TTLL5: variants seen among roughly 807,000 people sequenced by gnomAD.
TTLL5 encodes the protein tubulin tyrosine ligase like 5.
Under a neutral mutation model 168.4 loss-of-function variants are expected in TTLL5, and 132 were observed. The ratio of observed to expected loss-of-function variants is 0.78; its 90% CI spans 0.68 to 0.91. The LOEUF (loss-of-function observed/expected upper bound fraction) is 0.91, where lower values mean the gene tolerates loss of function less well. Among genes scored for constraint, TTLL5 ranks in the 40% least tolerant of loss-of-function variants. The probability of loss-of-function intolerance (pLI) is 0.00; values close to 1 mark genes in which losing one functional copy is unlikely to be tolerated. For synonymous variants in TTLL5, 546 were observed against 558.6 expected, an observed-to-expected ratio of 0.98 and a Z score of 0.32; for missense variants, 1,545 against 1,581.5, an observed-to-expected ratio of 0.98 and a Z score of 0.39.
chr14:75,917,007 A>G (rs1252575336), intron 31 of TTLL5, among the ~76,000 whole-genome samples: 1 of 152,210 alleles, frequency 6.6e-6, no homozygotes, highest in Non-Finnish European at 1.5e-5. Context: ...AGAAAGTAGA[A>G]TGGTGGTCAG....
chr14:75,904,465 GTTGAA>G (rs1290526998), intron 31 of TTLL5, among the ~76,000 whole-genome samples: 1 of 152,134 alleles, frequency 6.6e-6, no homozygotes, highest in East Asian at 1.9e-4. Context: ...TAAATTAAGT[GTTGAA>G]TTGAACTTTG....
intron 27 of TTLL5, among the ~76,000 whole-genome samples, chr14:75,814,968 C>T (rs1264199031): frequency 3.3e-5 from 5 of 152,206 alleles, no homozygotes; most frequent in Non-Finnish European, 5.9e-5. Flanking sequence ...TATCACAGAT[C>T]ATTCTAGAAG....
chr14:75,914,780 T>C (rs745322529), intron 31 of TTLL5, among the ~76,000 whole-genome samples: 27 of 152,206 alleles, frequency 1.8e-4, no homozygotes, highest in Non-Finnish European at 3.4e-4. Context: ...CCTGCCACCA[T>C]GCCTGGCTAA....
chr14:75,882,123 C>T (rs1233596853), intron 29 of TTLL5, among the ~76,000 whole-genome samples: 1 of 152,132 alleles, frequency 6.6e-6, no homozygotes, highest in Non-Finnish European at 1.5e-5. Context: ...TCTAAACTAG[C>T]CCTCAAGATT....
chr14:75,693,545 C>T (rs1259607139), intron 6 of TTLL5, among the ~76,000 whole-genome samples: 1 of 152,252 alleles, frequency 6.6e-6, no homozygotes, highest in Non-Finnish European at 1.5e-5. Flanking sequence ...ACATGGCACA[C>T]TGGTCTATCT....
Position 75,690,320 on chromosome 14 carries a change from G to A in TTLL5, c.500G>A (p.Cys167Tyr). The change falls in exon 6 of 32, where the codon TGT becomes TAT. Residue 167 changes from cysteine (C) to tyrosine (Y), a missense_variant and splice_region_variant. Physicochemically the swap from Cys to Tyr is radical, Grantham distance 194. Transcript: ENST00000298832. ...FLLPAEYAEFCNSYSKDRGPW... is the reference protein window; with the variant it reads ...FLLPAEYAEFYNSYSKDRGPW... ...CTGCCAGCTGAGTACGCGGAATTTT[G>A]TAGTAAGTGCTTGACAGAGAATGCC... The A allele has an allele frequency of 1.9e-6, 3 of 1,605,440 alleles. No homozygotes were observed. The highest frequency in any genetic ancestry group is 1.7e-6 in the Non-Finnish European group (2 of 1,176,932).
chr14:75,804,661 T>C (rs1363481240), intron 27 of TTLL5, among the ~76,000 whole-genome samples: 4 of 152,242 alleles, frequency 2.6e-5, no homozygotes. Flanking sequence ...TTTTACCATA[T>C]ACATTATTCT....
At chr14:75,900,586 C>T (rs1216113849) in intron 30 of TTLL5, among the ~76,000 whole-genome samples, 1 of 152,210 alleles carries the variant, frequency 6.6e-6, no homozygotes, top group East Asian at 1.9e-4. Context: ...CTGTCAAAGA[C>T]ATTCAGCAAA....
At chr14:75,669,123 CTTA>C (rs1167948549) in intron 2 of TTLL5, among the ~76,000 whole-genome samples, 2 of 152,210 alleles carry the variant, frequency 1.3e-5, no homozygotes, top group Non-Finnish European at 2.9e-5. Flanking sequence ...AACATGTCTC[CTTA>C]AACTTATGGG....
intron 31 of TTLL5, among the ~76,000 whole-genome samples, chr14:75,944,812 C>T (rs2034717637): frequency 6.6e-6 from 1 of 152,160 alleles, no homozygotes; most frequent in Non-Finnish European, 1.5e-5. Context: ...TAGTAGCTTC[C>T]TGATAAGATC....
rs1206224040 is a variant in TTLL5, at chr14:75,716,162, A to T, written c.741-1699A>T. Among the ~76,000 whole-genome samples, 3 of 152,174 alleles carry T rather than the reference A, an allele frequency of 2.0e-5. No homozygotes were observed. In the East Asian group the frequency reaches 5.8e-4, roughly 29 times the overall value. On this transcript the variant is annotated intron_variant, in intron 9 of 31. Transcript: ENST00000298832. The stretch of plus-strand genomic sequence containing the variant: ...GACAATCTATTAGAGGAAGATTGGG[A>T]TGCATAGGCAAGGGTTACTCACCAG...
At chr14:75,853,247 C>T (rs1896967070) in intron 28 of TTLL5, among the ~76,000 whole-genome samples, 1 of 152,224 alleles carries the variant, frequency 6.6e-6, no homozygotes, top group South Asian at 2.1e-4. Context: ...TGCCAGTTTA[C>T]TGGGTCATTC....
intron 5 of TTLL5, 87 bp downstream of exon 5, chr14:75,683,743 G>A: frequency 1.0e-6 from 1 of 981,618 alleles, no homozygotes; most frequent in African/African-American, 1.6e-5. Flanking sequence ...TGTCCTTAAA[G>A]AAGAGGAAGA....
chr14:75,797,099 C>T (rs905925136), intron 27 of TTLL5, among the ~76,000 whole-genome samples: 39 of 152,160 alleles, frequency 2.6e-4, no homozygotes, highest in African/African-American at 9.4e-4. Flanking sequence ...TTCCTTTCAG[C>T]AGTGTTTTGT....
chr14:75,934,160 T>C (rs1161622131), intron 31 of TTLL5, among the ~76,000 whole-genome samples: 1 of 152,170 alleles, frequency 6.6e-6, no homozygotes, highest in Non-Finnish European at 1.5e-5. Context: ...TTTTTATAAC[T>C]TAATCTTGGA....
At chr14:75,864,182 G>A (rs1348652281) in intron 29 of TTLL5, among the ~76,000 whole-genome samples, 1 of 152,100 alleles carries the variant, frequency 6.6e-6, no homozygotes, top group Non-Finnish European at 1.5e-5. Flanking sequence ...CATAGGGTCT[G>A]ATTCTAAGAT....
chr14:75,677,429 C>G (rs985787773), intron 3 of TTLL5, among the ~76,000 whole-genome samples: 4 of 144,312 alleles, frequency 2.8e-5, no homozygotes, highest in Non-Finnish European at 6.1e-5. Flanking sequence ...AGGGTCTCAC[C>G]CTGTCACTCA....
chr14:75,886,906 C>T (rs2140039317), intron 30 of TTLL5: 1 of 1,455,662 alleles, frequency 6.9e-7, no homozygotes, highest in East Asian at 2.5e-5. Flanking sequence ...AAGGGCAAAA[C>T]TCAGACTGAA....
intron 20 of TTLL5, among the ~76,000 whole-genome samples, chr14:75,767,717 G>A (rs891848569): frequency 1.3e-5 from 2 of 152,144 alleles, no homozygotes; most frequent in Admixed American, 6.5e-5. Context: ...TAAATGATAC[G>A]GTGAGATCTT....
Sources: allele counts gnomAD v4.1 joint callset (sites outside exome capture counted in the v4.1 genomes callset), GRCh38; gene constraint gnomAD v4.1.1; transcripts MANE v1.5; gene names NCBI Gene and HGNC (gene_info 2026-07-23, HGNC 2026-07-21).